The following GALNT14 variants were observed in gnomAD, a reference collection of about 807,000 sequenced individuals.
GALNT14 encodes the protein UDP-GalNAc:polypeptide N-acetylgalactosaminyltransferase 14.
In GALNT14, 60 loss-of-function variants were observed where a neutral mutation model predicts 77.5. The observed-to-expected ratio is 0.77, with a 90% CI of 0.63 to 0.96. The LOEUF is 0.96. Among genes scored for constraint, GALNT14 ranks in the 40% least tolerant of loss-of-function variants. The probability of loss-of-function intolerance (pLI) is 0.00; values close to 1 mark genes in which losing one functional copy is unlikely to be tolerated. For missense variants in GALNT14, 710 were observed against 731.0 expected, an observed-to-expected ratio of 0.97 and a Z score of 0.33; for synonymous variants, 280 against 281.7, an observed-to-expected ratio of 0.99 and a Z score of 0.06.
rs189287554 is a variant in GALNT14, at chr2:30,931,549, G to A, written c.1058+519C>T. Among the ~76,000 whole-genome samples the A allele has an allele frequency of 2.0e-5, 3 of 152,182 alleles. No homozygotes were observed. In the East Asian group the frequency reaches 5.9e-4, roughly 30 times the overall value. ...CAGGAGGAGAGCACACCAGCAGACA[G>A]GAGCCCAGGGTCTCAGGCCCTGCCC... On this transcript the variant is annotated intron_variant, in intron 10 of 14. Transcript: ENST00000349752.
chr2:31,049,002 C>T (rs569354138), intron 1 of GALNT14, among the ~76,000 whole-genome samples: 123 of 152,308 alleles, frequency 8.1e-4, no homozygotes, highest in African/African-American at 2.9e-3. Flanking sequence ...GTCCAGCCAG[C>T]TTTCCCTTGT....
At chr2:30,949,794 A>G (rs1666915751) in intron 6 of GALNT14, among the ~76,000 whole-genome samples, 1 of 152,202 alleles carries the variant, frequency 6.6e-6, no homozygotes, top group Admixed American at 6.5e-5. Flanking sequence ...GATGAGTAAG[A>G]CCTCACAGTC....
At chr2:30,995,785 C>T (rs1408592555) in intron 1 of GALNT14, among the ~76,000 whole-genome samples, 2 of 152,190 alleles carry the variant, frequency 1.3e-5, no homozygotes, top group East Asian at 3.8e-4. Flanking sequence ...CAGGGGCCAC[C>T]ATACCTGGGC....
Position 30,938,135 on chromosome 2 carries a change from T to G in GALNT14, c.931+4066A>C, listed in dbSNP as rs576703731. Among the ~76,000 whole-genome samples the G allele has an allele frequency of 3.4e-4, 51 of 151,600 alleles. 1 individual carries two copies. The highest frequency in any genetic ancestry group is 1.2e-3 in the African/African-American group (51 of 41,310). On this transcript the variant is annotated intron_variant, in intron 9 of 14. Transcript: ENST00000349752. ...TTCTGGGACAGCAGGTGGTGGTACTTCCTCTCTGGGCCCCAACTCACCTCT... is the reference window on the plus strand; with the variant it reads ...TTCTGGGACAGCAGGTGGTGGTACTGCCTCTCTGGGCCCCAACTCACCTCT...
chr2:31,134,554 C>A (rs1335536412), intron 1 of GALNT14, among the ~76,000 whole-genome samples: 1 of 152,240 alleles, frequency 6.6e-6, no homozygotes, highest in African/African-American at 2.4e-5. Context: ...GCCTCTGCAA[C>A]CACCCAACAC....
chr2:30,905,286 C>A, the GALNT14 span, among the ~76,000 whole-genome samples: 2 of 151,866 alleles, frequency 1.3e-5, no homozygotes, highest in African/African-American at 2.4e-5. Context: ...ACATTCAAAC[C>A]AAAGGCAAAG....
chr2:31,111,074 C>G (rs1436015893), intron 1 of GALNT14, among the ~76,000 whole-genome samples: 1 of 152,208 alleles, frequency 6.6e-6, no homozygotes, highest in African/African-American at 2.4e-5. Flanking sequence ...ACAACAGGCA[C>G]TCTGGCCTCT....
intron 1 of GALNT14, among the ~76,000 whole-genome samples, chr2:31,015,694 G>T (rs115381467): frequency 1.3e-5 from 2 of 152,136 alleles, no homozygotes; most frequent in East Asian, 3.8e-4. Flanking sequence ...TCAACACCAC[G>T]TCTGTAGTAT....
intron 6 of GALNT14, among the ~76,000 whole-genome samples, chr2:30,947,702 C>T (rs1018691873): frequency 6.6e-6 from 1 of 152,352 alleles, no homozygotes; most frequent in Middle Eastern, 3.4e-3. Flanking sequence ...GCAGGAACCT[C>T]TGTTTCTCCT....
chr2:30,955,529 G>C (rs1422433947), intron 6 of GALNT14, 89 bp downstream of exon 6: 11 of 1,513,414 alleles, frequency 7.3e-6, no homozygotes, highest in Non-Finnish European at 8.0e-6. Flanking sequence ...AGAAGAACTG[G>C]GGGTTGCACA....
At chr2:30,940,000 C>CAAA (rs72540472) in intron 9 of GALNT14, among the ~76,000 whole-genome samples, 1 of 126,254 alleles carries the variant, frequency 7.9e-6, no homozygotes. Flanking sequence ...TATAAAATGC[C>CAAA]AAAAAAAAAA....
intron 2 of GALNT14, among the ~76,000 whole-genome samples, chr2:30,968,251 G>C (rs958875329): frequency 6.6e-6 from 1 of 152,204 alleles, no homozygotes; most frequent in African/African-American, 2.4e-5. Context: ...TGCGTTCCTA[G>C]GTCAGCTGAA....
chr2:31,010,366 A>G (rs1489198139), intron 1 of GALNT14, among the ~76,000 whole-genome samples: 9 of 152,226 alleles, frequency 5.9e-5, no homozygotes, highest in Non-Finnish European at 2.9e-5. Context: ...TTGGGAGGCC[A>G]AGGCGGGCAG....
the GALNT14 span, among the ~76,000 whole-genome samples, chr2:30,892,934 C>T: frequency 5.9e-4 from 90 of 152,146 alleles, no homozygotes; most frequent in African/African-American, 2.1e-3. Flanking sequence ...CTTCAGGATT[C>T]GGAAGAAAAA....
intron 1 of GALNT14, among the ~76,000 whole-genome samples, chr2:31,006,250 T>A (rs1670666332): frequency 6.6e-6 from 1 of 152,012 alleles, no homozygotes; most frequent in Admixed American, 6.6e-5. Flanking sequence ...GAAATAAAGA[T>A]GGGAAGCTGT....
intron 1 of GALNT14, among the ~76,000 whole-genome samples, chr2:31,103,752 T>C (rs1200462094): frequency 2.6e-5 from 4 of 152,192 alleles, no homozygotes; most frequent in African/African-American, 9.6e-5. Context: ...GTGTCATTTC[T>C]ACATCACCAG....
intron 1 of GALNT14, among the ~76,000 whole-genome samples, chr2:31,064,606 G>T (rs1342687655): frequency 6.6e-6 from 1 of 152,104 alleles, no homozygotes; most frequent in East Asian, 1.9e-4. Flanking sequence ...ATGTTCACAG[G>T]CCAAAATATA....
intron 1 of GALNT14, among the ~76,000 whole-genome samples, chr2:31,084,607 G>A (rs552727569): frequency 1.3e-5 from 2 of 152,304 alleles, no homozygotes; most frequent in East Asian, 3.9e-4. Context: ...TGTCAAACAA[G>A]ACTGGAATAA....
At chr2:31,018,652 T>C (rs766567748) in intron 1 of GALNT14, among the ~76,000 whole-genome samples, 2 of 152,196 alleles carry the variant, frequency 1.3e-5, no homozygotes, top group Non-Finnish European at 2.9e-5. Flanking sequence ...TGGGGACTGC[T>C]TTTTTTATTT....
Sources: gnomAD v4.1 joint callset for allele counts (sites outside exome capture counted in the v4.1 genomes callset) on GRCh38, gnomAD v4.1.1 for gene constraint, MANE v1.5 for transcripts, NCBI Gene and HGNC (gene_info 2026-07-23, HGNC 2026-07-21) for gene names.